Variants in ARHGAP6 observed in about 807,000 individuals in gnomAD.
The protein encoded by ARHGAP6 is rho GTPase-activating protein 6.
Under a neutral mutation model 55.7 loss-of-function variants are expected in ARHGAP6, and 16 were observed. That is an observed-to-expected ratio of 0.29 (90% confidence interval 0.19 to 0.44). The LOEUF (loss-of-function observed/expected upper bound fraction) is 0.44, where lower values mean the gene tolerates loss of function less well. Among genes scored for constraint, ARHGAP6 ranks in the 20% least tolerant of loss-of-function variants. ARHGAP6 has a pLI of 1.00. For missense variants in ARHGAP6, 698 were observed against 808.9 expected (o/e 0.86, Z 1.66); for synonymous variants, 382 against 360.9 (o/e 1.06, Z -0.66).
intron 1 of ARHGAP6, among the ~76,000 whole-genome samples, chrX:11,549,487 T>G (rs188175263): frequency 2.7e-5 from 3 of 112,085 alleles, no homozygotes; most frequent in Admixed American, 9.5e-5. Flanking sequence ...GAAAGCAGAA[T>G]TTTTAGAAGC....
At chrX:11,269,945 C>A (rs1389043038) in intron 1 of ARHGAP6, among the ~76,000 whole-genome samples, 2 of 111,990 alleles carry the variant, frequency 1.8e-5, no homozygotes, top group Non-Finnish European at 3.8e-5. Flanking sequence ...CAAAGCAAAT[C>A]TAGTAACTGG....
intron 1 of ARHGAP6, among the ~76,000 whole-genome samples, chrX:11,411,183 T>TTATTTATATATA (rs2049676670): frequency 3.1e-5 from 1 of 31,775 alleles, no homozygotes; most frequent in Admixed American, 6.0e-4. Flanking sequence ...CAGACATTAT[T>TTATTTATATATA]TATATATATA....
intron 1 of ARHGAP6, among the ~76,000 whole-genome samples, chrX:11,387,639 G>C (rs7059827): frequency 0.011 from 1,234 of 111,237 alleles, 19 homozygotes; most frequent in African/African-American, 0.037. Flanking sequence ...TGCCATGTTG[G>C]TGTGCTGCCC....
intron 10 of ARHGAP6, among the ~76,000 whole-genome samples, chrX:11,145,823 C>G (rs926958214): frequency 1.8e-5 from 2 of 112,577 alleles, no homozygotes; most frequent in Non-Finnish European, 3.7e-5. Context: ...GGAGTCACAG[C>G]CCTGAAAGTC....
At chrX:11,515,965 A>C (rs113927325) in intron 1 of ARHGAP6, among the ~76,000 whole-genome samples, 13,003 of 112,189 alleles carry the variant, frequency 0.12, 752 homozygotes, top group African/African-American at 0.21. Context: ...GTGATATCCC[A>C]AATGAAAATC....
chrX:11,342,903 G>A (rs1386190602), intron 1 of ARHGAP6, among the ~76,000 whole-genome samples: 1 of 112,381 alleles, frequency 8.9e-6, no homozygotes, highest in East Asian at 2.8e-4. Flanking sequence ...TCTGTCAAGT[G>A]TCTTTGGCTG....
chrX:11,480,285 C>T (rs939975292), intron 1 of ARHGAP6, among the ~76,000 whole-genome samples: 2 of 111,262 alleles, frequency 1.8e-5, no homozygotes, highest in Non-Finnish European at 3.8e-5. Context: ...ATATATGATA[C>T]GACATGGATG....
chrX:11,566,879 C>T (rs1193914803), intron 1 of ARHGAP6, among the ~76,000 whole-genome samples: 1 of 112,039 alleles, frequency 8.9e-6, no homozygotes, highest in Non-Finnish European at 1.9e-5. Context: ...AACTGCTTGA[C>T]TTTCAAAGTT....
chrX:11,644,572 C>A (rs1305193361), intron 1 of ARHGAP6, among the ~76,000 whole-genome samples: 1 of 110,736 alleles, frequency 9.0e-6, no homozygotes, highest in African/African-American at 3.3e-5. Context: ...CCAATAAGTA[C>A]ATGAAAATAT....
chrX:11,591,675 C>T (rs187069514), intron 1 of ARHGAP6, among the ~76,000 whole-genome samples: 117 of 111,576 alleles, frequency 1.0e-3, no homozygotes, highest in African/African-American at 3.5e-3. Flanking sequence ...AGTATATTGG[C>T]GGTTGCCAGG....
At chrX:11,476,639 T>C (rs758782422) in intron 1 of ARHGAP6, among the ~76,000 whole-genome samples, 4 of 110,889 alleles carry the variant, frequency 3.6e-5, no homozygotes, top group Non-Finnish European at 5.7e-5. Context: ...GAAAGACATA[T>C]AGAACAATGG....
intron 1 of ARHGAP6, among the ~76,000 whole-genome samples, chrX:11,652,762 C>A (rs1398881765): frequency 9.0e-6 from 1 of 111,496 alleles, no homozygotes; most frequent in Non-Finnish European, 1.9e-5. Flanking sequence ...AAAGGCAGAA[C>A]CATGAAGGTC....
At position 11,172,851 on chromosome X, in the gene ARHGAP6, C is replaced by T. The variant is rs764758162; in HGVS notation, c.1630-3167G>A. Among the ~76,000 whole-genome samples the T allele has an allele frequency of 2.7e-5, 3 of 111,815 alleles. No homozygotes were observed. In the East Asian group the frequency reaches 8.4e-4, roughly 31 times the overall value. On this transcript the variant is annotated intron_variant, in intron 8 of 12. Transcript: ENST00000337414. ...AACGTACACTCGAGCCAGGCCATTA[C>T]TTCATTTTTTAATTAGCTAGCAATT...
intron 2 of ARHGAP6, among the ~76,000 whole-genome samples, chrX:11,209,916 C>T (rs2046765725): frequency 8.9e-6 from 1 of 111,989 alleles, no homozygotes; most frequent in Admixed American, 9.5e-5. Flanking sequence ...AACCAGTTGA[C>T]TTTTTTTGAA....
At chrX:11,630,381 C>G (rs1237663018) in intron 1 of ARHGAP6, among the ~76,000 whole-genome samples, 1 of 112,001 alleles carries the variant, frequency 8.9e-6, no homozygotes, top group East Asian at 2.8e-4. Flanking sequence ...TCCAAAAGGG[C>G]AGATTATGAA....
intron 1 of ARHGAP6, among the ~76,000 whole-genome samples, chrX:11,388,626 G>C (rs2049361819): frequency 9.0e-6 from 1 of 111,538 alleles, no homozygotes; most frequent in Admixed American, 9.5e-5. Context: ...TGAAGTCCTT[G>C]CCCATGCCTA....
chrX:11,431,587 T>A (rs1234644011), intron 1 of ARHGAP6, among the ~76,000 whole-genome samples: 2 of 111,811 alleles, frequency 1.8e-5, no homozygotes, highest in African/African-American at 6.5e-5. Context: ...CCCACCATTG[T>A]TAACAGAGTT....
intron 1 of ARHGAP6, among the ~76,000 whole-genome samples, chrX:11,493,441 G>A (rs943619032): frequency 5.4e-5 from 6 of 112,028 alleles, no homozygotes; most frequent in Admixed American, 2.8e-4. Context: ...GGAGAGTGAC[G>A]CAGAGCAATA....
At chrX:11,344,821 A>G (rs2048758139) in intron 1 of ARHGAP6, among the ~76,000 whole-genome samples, 1 of 111,173 alleles carries the variant, frequency 9.0e-6, no homozygotes, top group Non-Finnish European at 1.9e-5. Flanking sequence ...ACAAAGGTCC[A>G]GCCAAGACTG....
Sources: gnomAD v4.1 joint callset for allele counts (sites outside exome capture counted in the v4.1 genomes callset) on GRCh38, gnomAD v4.1.1 for gene constraint, MANE v1.5 for transcripts, NCBI Gene and HGNC (gene_info 2026-07-23, HGNC 2026-07-21) for gene names.